Variants in HS6ST3 observed in about 807,000 individuals in gnomAD.
HS6ST3 encodes heparan sulfate 6-O-sulfotransferase 3, also known as heparan-sulfate 6-O-sulfotransferase 3.
A neutral mutation model predicts 36.7 loss-of-function variants in HS6ST3; 12 were observed. That is an observed-to-expected ratio of 0.33 (90% confidence interval 0.21 to 0.53). The LOEUF is 0.53. HS6ST3 is among the 20% of genes least tolerant of loss of function. The pLI, the probability that HS6ST3 is intolerant of heterozygous loss-of-function variation, is 0.95. For missense variants in HS6ST3, 584 were observed against 640.9 expected, an observed-to-expected ratio of 0.91 and a Z score of 0.96; for synonymous variants, 240 against 257.5, an observed-to-expected ratio of 0.93 and a Z score of 0.65.
chr13:96,772,084 C>T (rs1017099564), intron 1 of HS6ST3, among the ~76,000 whole-genome samples: 1 of 152,032 alleles, frequency 6.6e-6, no homozygotes, highest in Non-Finnish European at 1.5e-5. Context: ...GTGATGGGGC[C>T]AGGGTTTTAT....
At chr13:96,265,208 GC>G (rs2054685851) in intron 1 of HS6ST3, among the ~76,000 whole-genome samples, 1 of 151,444 alleles carries the variant, frequency 6.6e-6, no homozygotes, top group Admixed American at 6.6e-5. Flanking sequence ...ACAGGGTCTT[GC>G]CCTCTCACCC....
chr13:96,355,716 G>C (rs1438256145), intron 1 of HS6ST3, among the ~76,000 whole-genome samples: 1 of 152,074 alleles, frequency 6.6e-6, no homozygotes, highest in Non-Finnish European at 1.5e-5. Context: ...GTCTGATCAG[G>C]GTGGTGGTTA....
chr13:96,185,743 A>C (rs2054262012), intron 1 of HS6ST3, among the ~76,000 whole-genome samples: 1 of 152,150 alleles, frequency 6.6e-6, no homozygotes, highest in Non-Finnish European at 1.5e-5. Context: ...AAAATTTTAT[A>C]TTTTACTTGA....
In HS6ST3 at chr13:96,788,634, A is replaced by T. The variant is rs150033923; in HGVS notation, c.708-43856A>T. On this transcript the variant is annotated intron_variant, in intron 1 of 1. Coordinates refer to ENST00000376705, the MANE Select transcript of HS6ST3 (RefSeq NM_153456.4). ...TGTTACAGTGGTAAATGAGGGGAAC[A>T]TATTGAATTGTGACTTGCCTGTTTT... 5.5e-4 allele frequency among the ~76,000 whole-genome samples: 84 copies of T among 152,050 alleles called. 1 individual carries two copies. In the East Asian group the frequency reaches 0.015, roughly 28 times the overall value.
chr13:96,688,127 G>A (rs1335597952), intron 1 of HS6ST3, among the ~76,000 whole-genome samples: 3 of 150,896 alleles, frequency 2.0e-5, no homozygotes, highest in African/African-American at 7.3e-5. Context: ...TAAATGACGA[G>A]TTAATGGGTG....
intron 1 of HS6ST3, among the ~76,000 whole-genome samples, chr13:96,501,365 A>T (rs2056003712): frequency 6.6e-6 from 1 of 152,224 alleles, no homozygotes; most frequent in South Asian, 2.1e-4. Flanking sequence ...CAACTTCATT[A>T]CATCCTCTGA....
At chr13:96,505,075 A>G (rs900067767) in intron 1 of HS6ST3, among the ~76,000 whole-genome samples, 2 of 152,198 alleles carry the variant, frequency 1.3e-5, no homozygotes, top group Non-Finnish European at 2.9e-5. Flanking sequence ...CTTATCCAAC[A>G]TAATGGAAAC....
At chr13:96,787,909 AT>A (rs905491402) in intron 1 of HS6ST3, among the ~76,000 whole-genome samples, 1 of 151,882 alleles carries the variant, frequency 6.6e-6, no homozygotes, top group Non-Finnish European at 1.5e-5. Context: ...TTGCTGATCC[AT>A]TTTTTAGTTA....
At chr13:96,186,267 G>A (rs2054264723) in intron 1 of HS6ST3, among the ~76,000 whole-genome samples, 1 of 152,170 alleles carries the variant, frequency 6.6e-6, no homozygotes, top group Admixed American at 6.5e-5. Flanking sequence ...AGAGCACAAA[G>A]AATACATGCT....
At chr13:96,648,432 T>A (rs960050111) in intron 1 of HS6ST3, among the ~76,000 whole-genome samples, 4 of 151,924 alleles carry the variant, frequency 2.6e-5, no homozygotes, top group Non-Finnish European at 5.9e-5. Context: ...GGTAATTTCA[T>A]CTTGTCTCAT....
At position 96,799,964 on chromosome 13, in the gene HS6ST3, GTGTA is replaced by G. The variant is rs71677647; in HGVS notation, c.708-32524_708-32521del. On this transcript the variant is annotated intron_variant, in intron 1 of 1. Transcript: ENST00000376705. Reference sequence around the variant, plus strand: ...TGTGTGTATATATATATATATATATGTGTATATATATATATATGTATATATATAT... The same window carrying G: ...TGTGTGTATATATATATATATATATGTATATATATATATGTATATATATAT... 9.0e-5 allele frequency among the ~76,000 whole-genome samples: 5 copies of G among 55,314 alleles called. 1 individual carries two copies. Among genetic ancestry groups the G allele is most frequent in the Admixed American group, 3.3e-4 (2 of 5,998 alleles). 36.3% of individuals were successfully genotyped at this position (55,314 alleles called of 152,430 possible).
At chr13:96,347,746 T>A (rs1193636032) in intron 1 of HS6ST3, among the ~76,000 whole-genome samples, 2 of 152,170 alleles carry the variant, frequency 1.3e-5, no homozygotes, top group African/African-American at 2.4e-5. Flanking sequence ...TTTTGCTATA[T>A]CTTTCTTTTC....
intron 1 of HS6ST3, among the ~76,000 whole-genome samples, chr13:96,324,372 T>C (rs968890258): frequency 3.3e-5 from 5 of 151,970 alleles, no homozygotes; most frequent in Non-Finnish European, 7.4e-5. Context: ...GTGAAGAAGG[T>C]GTTTGAAAAT....
intron 1 of HS6ST3, among the ~76,000 whole-genome samples, chr13:96,388,978 C>T (rs78628552): frequency 3.0e-3 from 450 of 152,268 alleles, no homozygotes; most frequent in Non-Finnish European, 4.9e-3. Context: ...AATGGACATA[C>T]ACTACTTTTG....
At chr13:96,493,830 T>C (rs2055958912) in intron 1 of HS6ST3, among the ~76,000 whole-genome samples, 1 of 152,184 alleles carries the variant, frequency 6.6e-6, no homozygotes, top group Non-Finnish European at 1.5e-5. Context: ...AATGTTATGA[T>C]TTATTAAAGG....
chr13:96,425,997 G>GC (rs1312419725), intron 1 of HS6ST3, among the ~76,000 whole-genome samples: 5 of 151,630 alleles, frequency 3.3e-5, no homozygotes, highest in African/African-American at 7.3e-5. Context: ...ACAAGTCAGT[G>GC]CCCCCCGAGA....
At chr13:96,831,955 A>C (rs978729021) in intron 1 of HS6ST3, among the ~76,000 whole-genome samples, 1 of 81,850 alleles carries the variant, frequency 1.2e-5, no homozygotes, top group African/African-American at 5.1e-5. Context: ...ACTCCCTCTC[A>C]AAAAAAAAAA....
chr13:96,189,515 CTG>C (rs1188316679), intron 1 of HS6ST3, among the ~76,000 whole-genome samples: 1 of 152,002 alleles, frequency 6.6e-6, no homozygotes, highest in Non-Finnish European at 1.5e-5. Flanking sequence ...TGGAATTTGT[CTG>C]TGAGGTCCTC....
rs1416820055 is a variant in HS6ST3, at chr13:96,765,606, CT to C, written c.708-66883del. ...TCTCTCTTTCTCTCTCTCTCTCTCTCTCTCTCTCTCTCTCTCTCTCTCTGTT... is the reference window on the plus strand; with the variant it reads ...TCTCTCTTTCTCTCTCTCTCTCTCTCCTCTCTCTCTCTCTCTCTCTCTGTT... On this transcript the variant is annotated intron_variant, in intron 1 of 1. Coordinates refer to ENST00000376705, the MANE Select transcript of HS6ST3 (RefSeq NM_153456.4). 5.3e-5 allele frequency among the ~76,000 whole-genome samples: 8 copies of C among 151,772 alleles called. No individual in the cohort carries two copies. In the East Asian group the frequency reaches 7.8e-4, roughly 15 times the overall value.
Sources: gnomAD v4.1 joint callset for allele counts (sites outside exome capture counted in the v4.1 genomes callset) on GRCh38, gnomAD v4.1.1 for gene constraint, MANE v1.5 for transcripts, NCBI Gene and HGNC (gene_info 2026-07-23, HGNC 2026-07-21) for gene names.